DGKA: variants seen among roughly 807,000 people sequenced by gnomAD.
The protein encoded by DGKA is diacylglycerol kinase alpha.
DGKA carries 35 observed loss-of-function variants against 105.0 expected under a neutral mutation model. That is an observed-to-expected ratio of 0.33 (90% CI 0.25 to 0.44). The LOEUF (loss-of-function observed/expected upper bound fraction) is 0.44. Among genes scored for constraint, DGKA ranks in the 20% least tolerant of loss-of-function variants. The pLI is 1.00. For synonymous variants in DGKA, 296 were observed against 332.0 expected, an observed-to-expected ratio of 0.89 and a Z score of 1.18; for missense variants, 665 against 915.0, an observed-to-expected ratio of 0.73 and a Z score of 3.53.
At position 55,953,044 on chromosome 12, in the gene DGKA, A is replaced by G. The variant is rs1471042626; in HGVS notation, c.1947A>G (p.Leu649=). Residue 649 remains leucine, a synonymous_variant, in exon 22 of 24, where the codon CTA becomes CTG. Transcript: ENST00000331886. ...PDILKTCVPD[L]SDKRLEVVGL... ...TACTCCCTACTTCGTCCCCAGACCTAAGTGACAAGAGACTGGAAGTGGTTG... is the reference window on the plus strand; with the variant it reads ...TACTCCCTACTTCGTCCCCAGACCTGAGTGACAAGAGACTGGAAGTGGTTG... The G allele has an allele frequency of 1.9e-6, 3 of 1,614,028 alleles. No individual in the cohort carries two copies. Among genetic ancestry groups the G allele is most frequent in the Admixed American group, 3.3e-5 (2 of 59,992 alleles).
chr12:55,939,349 T>G (rs762501354), intron 8 of DGKA, 44 bp downstream of exon 8: 1 of 1,613,310 alleles, frequency 6.2e-7, no homozygotes, highest in South Asian at 1.1e-5. Flanking sequence ...CAGCCTTGGG[T>G]TATGCTTGCC....
intron 17 of DGKA, among the ~76,000 whole-genome samples, chr12:55,947,338 C>T (rs904694457): frequency 6.6e-6 from 1 of 152,108 alleles, no homozygotes. Flanking sequence ...ATAATACATG[C>T]TGGTGGTAAA....
chr12:55,936,590 C>T, intron 2 of DGKA, 23 bp downstream of exon 2: 1 of 1,614,108 alleles, frequency 6.2e-7, no homozygotes, highest in South Asian at 1.1e-5. Flanking sequence ...GTCAGGCCTT[C>T]AGTTCTGGAG....
Position 55,951,780 on chromosome 12 carries a change from C to T in DGKA, c.1584C>T (p.Gly528=), listed in dbSNP as rs563533482. The change falls in exon 18 of 24, where the codon GGC becomes GGT. Residue 528 remains glycine, a synonymous_variant. Transcript: ENST00000331886. Reference sequence around the variant, plus strand: ...TCATCAATAACTACTTCTCTATTGGCGTGGTCAGTGGAATGGGGCCTGGGG... The same window carrying T: ...TCATCAATAACTACTTCTCTATTGGTGTGGTCAGTGGAATGGGGCCTGGGG... ...FQIINNYFSI[G]VDASIAHRFH... The T allele has an allele frequency of 8.7e-6, 14 of 1,612,954 alleles. No homozygotes were observed. Among genetic ancestry groups the T allele is most frequent in the East Asian group, 2.2e-5 (1 of 44,816 alleles).
Position 55,937,055 on chromosome 12 carries a change from G to A in DGKA, c.103G>A (p.Glu35Lys), listed in dbSNP as rs997892673. The stretch of plus-strand genomic sequence containing the variant: ...GGTCAGTGATGTCCTAAAGCTCTTC[G>A]AGGATGGCGAGATGGCTAAATATGT... ...KKVSDVLKLFEDGEMAKYVQG... is the reference protein window; with the variant it reads ...KKVSDVLKLFKDGEMAKYVQG... The change falls in exon 3 of 24, where the codon GAG becomes AAG. Residue 35 changes from glutamate (E) to lysine (K), a missense_variant. This residue lies in a region of DGKA where 504 missense variants were observed against 681.2 expected (regional missense o/e 0.74). Coordinates refer to ENST00000331886, the MANE Select transcript of DGKA (RefSeq NM_001345.5). 11 of 1,613,968 alleles carry A rather than the reference G, an allele frequency of 6.8e-6. No homozygotes were observed. The highest frequency in any genetic ancestry group is 4.4e-5 in the South Asian group (4 of 91,080).
chr12:55,949,184 A>C (rs1325312507), intron 17 of DGKA, among the ~76,000 whole-genome samples: 1 of 151,888 alleles, frequency 6.6e-6, no homozygotes, highest in Non-Finnish European at 1.5e-5. Context: ...ACACACACAC[A>C]CATATGCATA....
In DGKA at chr12:55,952,493, T is replaced by G; in HGVS notation, c.1743+62T>G. 1 of 1,515,578 alleles carries G rather than the reference T, an allele frequency of 6.6e-7. No individual in the cohort carries two copies. Among genetic ancestry groups the G allele is most frequent in the South Asian group, 1.1e-5 (1 of 88,830 alleles). The allele number at this position is 1,515,578 out of a possible 1,614,324, so 93.9% of individuals were successfully genotyped here. A position where few individuals can be genotyped will look rare whatever the true frequency, so the allele number is the denominator to read the frequency against. On this transcript the variant is annotated intron_variant, in intron 20 of 23. Transcript: ENST00000331886. The surrounding 1 kb of genome is among the most constrained non-coding windows in gnomAD (Gnocchi z 5.1). Reference sequence around the variant, plus strand: ...GCTTCTTAATAGCCAAGTTTCTCCCTCCATGGCACCCTTAGGAACTTCCCA... The same window carrying G: ...GCTTCTTAATAGCCAAGTTTCTCCCGCCATGGCACCCTTAGGAACTTCCCA...
chr12:55,942,333 A>G, intron 17 of DGKA, 70 bp downstream of exon 17: 1 of 1,414,002 alleles, frequency 7.1e-7, no homozygotes. Flanking sequence ...CACTTAGAGA[A>G]GAAACTAGGC....
chr12:55,936,069 A>G (rs1884630251), intron 1 of DGKA: 1 of 971,998 alleles, frequency 1.0e-6, no homozygotes, highest in Non-Finnish European at 1.2e-6. Context: ...AAGAAAGCGC[A>G]GAAACAGACA....
In DGKA at chr12:55,952,616, C is replaced by A; in HGVS notation, c.1744-118C>A. 7.5e-7 allele frequency: 1 copy of A among 1,329,150 alleles called. No homozygotes were observed. 82.3% of individuals were successfully genotyped at this position (1,329,150 alleles called of 1,614,324 possible). A position where few individuals can be genotyped will look rare whatever the true frequency, so the allele number is the denominator to read the frequency against. ...GTCCCTATTTCCATTCCTTGCACACCTCCAAATCCTGCCTTCTCCAGTTTG... is the reference window on the plus strand; with the variant it reads ...GTCCCTATTTCCATTCCTTGCACACATCCAAATCCTGCCTTCTCCAGTTTG... On this transcript the variant is annotated intron_variant, in intron 20 of 23. Transcript: ENST00000331886. The surrounding 1 kb of genome is among the most constrained non-coding windows in gnomAD (Gnocchi z 5.1).
At position 55,940,327 on chromosome 12, in the gene DGKA, T is replaced by G. The variant is rs766221266; in HGVS notation, c.812T>G (p.Val271Gly). 5.0e-6 allele frequency: 8 copies of G among 1,614,176 alleles called. No individual in the cohort carries two copies. Among genetic ancestry groups the G allele is most frequent in the Non-Finnish European group, 6.8e-6 (8 of 1,180,032 alleles). ...TTTCTCCCCAAGGTCCAATCACATG[T>G]GTGGGTGCGAGGAGGCTGTGAGTCC... is the stretch of plus-strand genomic sequence containing the variant. ...SRKDIGVQSH[V>G]WVRGGCESGR... The change falls in exon 11 of 24, where the codon GTG becomes GGG. Residue 271 changes from valine to glycine, a missense_variant. Around this residue, in one of 3 missense-constraint regions of DGKA, gnomAD observed 504 missense variants for 681.2 expected, o/e 0.74. Coordinates refer to ENST00000331886, the MANE Select transcript of DGKA (RefSeq NM_001345.5). The surrounding 1 kb of genome is among the most constrained non-coding windows in gnomAD (Gnocchi z 4.3).
At chr12:55,941,960 G>A in intron 15 of DGKA, 38 bp from the exon 16 acceptor site, 1 of 1,609,706 alleles carries the variant, frequency 6.2e-7, no homozygotes, top group Non-Finnish European at 8.5e-7. Context: ...CCTCAGTCCT[G>A]TTATCCTTCT....
intron 17 of DGKA, among the ~76,000 whole-genome samples, chr12:55,947,143 G>A (rs749652980): frequency 9.2e-5 from 14 of 151,660 alleles, no homozygotes; most frequent in Non-Finnish European, 1.8e-4. Context: ...GTGCCACCAC[G>A]CCCAGCTAAT....
At chr12:55,938,393 G>C (rs1011620621) in intron 5 of DGKA, 118 bp from the exon 6 acceptor site, 4 of 1,307,404 alleles carry the variant, frequency 3.1e-6, no homozygotes, top group African/African-American at 1.5e-5. Context: ...CCCATCCCAG[G>C]CTCTAGGCTT....
chr12:55,927,490 A>C (rs914499052), upstream of DGKA: 7 of 691,334 alleles, frequency 1.0e-5, 1 homozygote, highest in South Asian at 4.9e-5. Flanking sequence ...GAAAGGAAGA[A>C]TATCCAGGCT....
intron 17 of DGKA, 77 bp from the exon 18 acceptor site, chr12:55,951,546 A>C: frequency 1.0e-5 from 15 of 1,470,258 alleles, no homozygotes; most frequent in East Asian, 2.3e-5. Flanking sequence ...GCCCCTGGGA[A>C]TTTGTGGAGC....
chr12:55,953,826 T>C lies in DGKA; in HGVS notation c.*58T>C. The C allele has an allele frequency of 2.0e-6, 3 of 1,485,690 alleles. No individual in the cohort carries two copies. Among genetic ancestry groups the C allele is most frequent in the South Asian group, 1.1e-5 (1 of 87,942 alleles). The allele number at this position is 1,485,690 out of a possible 1,614,324, so 92.0% of individuals were successfully genotyped here. ...AACCCACCTCCCTGTCCCTGGACTC[T>C]ACTCCCGAGGCTCTGTACATTGCTG... On this transcript the variant is annotated 3_prime_UTR_variant, in exon 24 of 24. Transcript: ENST00000331886.
At chr12:55,929,909 T>G (rs775480078), upstream of DGKA, among the ~76,000 whole-genome samples, 10 of 152,086 alleles carry the variant, frequency 6.6e-5, no homozygotes, top group Non-Finnish European at 7.4e-5. Context: ...TTAAAAGGAG[T>G]GTCTTCAACT....
chr12:55,945,195 G>A (rs1886766213), intron 17 of DGKA, among the ~76,000 whole-genome samples: 1 of 152,164 alleles, frequency 6.6e-6, no homozygotes, highest in Admixed American at 6.5e-5. Context: ...TGTGGTGGGT[G>A]GTTAGAAATA....
Sources: gnomAD v4.1 joint callset for allele counts (sites outside exome capture counted in the v4.1 genomes callset) on GRCh38, gnomAD v4.1.1 for gene constraint, gnomAD v4.1.1 regional missense constraint, Gnocchi (gnomAD v3.1) non-coding constraint, MANE v1.5 for transcripts, NCBI Gene and HGNC (gene_info 2026-07-23, HGNC 2026-07-21) for gene names.